ROBO1: variants seen among roughly 807,000 people sequenced by gnomAD.
The protein encoded by ROBO1 is roundabout guidance receptor 1, also known as roundabout homolog 1.
A neutral mutation model predicts 195.9 loss-of-function variants in ROBO1; 149 were observed. That is an observed-to-expected ratio of 0.76 (90% CI 0.67 to 0.87). The LOEUF (loss-of-function observed/expected upper bound fraction) is 0.87, where lower values mean the gene tolerates loss of function less well. Ranked by LOEUF, ROBO1 falls within the 40% of genes least tolerant of loss-of-function variation. ROBO1 has a pLI of 0.00. For synonymous variants in ROBO1, 816 were observed against 733.2 expected (o/e 1.11, Z -1.82); for missense variants, 1,933 against 2,068.3 (o/e 0.93, Z 1.27).
chr3:78,672,356 A>T (rs1708114562), intron 10 of ROBO1, among the ~76,000 whole-genome samples: 1 of 152,102 alleles, frequency 6.6e-6, no homozygotes, highest in Non-Finnish European at 1.5e-5. Context: ...AGTAAGGTGG[A>T]TTGCTTAAGC....
intron 2 of ROBO1, among the ~76,000 whole-genome samples, chr3:79,528,969 TAATTA>T (rs1448731221): frequency 1.3e-5 from 2 of 152,364 alleles, no homozygotes; most frequent in African/African-American, 4.8e-5. Flanking sequence ...CTATTCTGCA[TAATTA>T]AATGCATAAA....
intron 2 of ROBO1, among the ~76,000 whole-genome samples, chr3:79,471,950 G>C (rs967378468): frequency 6.6e-6 from 1 of 151,958 alleles, no homozygotes; most frequent in Non-Finnish European, 1.5e-5. Context: ...TGGGGGGCTA[G>C]GGGAGGGATA....
At chr3:79,481,420 G>A (rs188442710) in intron 2 of ROBO1, among the ~76,000 whole-genome samples, 1 of 152,274 alleles carries the variant, frequency 6.6e-6, no homozygotes, top group East Asian at 1.9e-4. Context: ...GACTTCATCT[G>A]TAGAGATGAT....
intron 4 of ROBO1, among the ~76,000 whole-genome samples, chr3:78,930,998 G>A (rs767627398): frequency 7.2e-5 from 11 of 151,816 alleles, no homozygotes; most frequent in Non-Finnish European, 1.6e-4. Flanking sequence ...TATTTATTTG[G>A]CTAGTTGCTT....
intron 2 of ROBO1, among the ~76,000 whole-genome samples, chr3:79,157,428 GGC>G (rs2080878365): frequency 6.6e-6 from 1 of 151,868 alleles, no homozygotes; most frequent in South Asian, 2.1e-4. Context: ...CTTGTTTGCA[GGC>G]CTCAGCTCAG....
chr3:79,758,684 T>C (rs1193115891), intron 1 of ROBO1, among the ~76,000 whole-genome samples: 2 of 152,128 alleles, frequency 1.3e-5, no homozygotes, highest in Non-Finnish European at 2.9e-5. Flanking sequence ...GGCAATGAGT[T>C]GGAAACAGAG....
intron 2 of ROBO1, among the ~76,000 whole-genome samples, chr3:79,462,237 TA>T (rs775392461): frequency 2.6e-4 from 39 of 152,126 alleles, no homozygotes; most frequent in Non-Finnish European, 4.1e-4. Flanking sequence ...CTGTGTTGGT[TA>T]AAGTATCACA....
intron 4 of ROBO1, among the ~76,000 whole-genome samples, chr3:78,899,732 A>G (rs2037470115): frequency 6.6e-6 from 1 of 152,160 alleles, no homozygotes; most frequent in South Asian, 2.1e-4. Flanking sequence ...ATTTTTAATC[A>G]CTATTTCTCT....
intron 4 of ROBO1, among the ~76,000 whole-genome samples, chr3:78,826,758 C>T (rs1024207183): frequency 6.6e-6 from 1 of 152,162 alleles, no homozygotes; most frequent in African/African-American, 2.4e-5. Flanking sequence ...TTATAGTTAT[C>T]ACTTCGATAT....
intron 3 of ROBO1, among the ~76,000 whole-genome samples, chr3:78,945,397 C>A (rs1314350462): frequency 6.6e-6 from 1 of 152,112 alleles, no homozygotes; most frequent in Non-Finnish European, 1.5e-5. Context: ...CTGCTGATAC[C>A]CAGGCAAACA....
intron 2 of ROBO1, among the ~76,000 whole-genome samples, chr3:79,134,230 C>T (rs1423842562): frequency 3.0e-5 from 4 of 133,808 alleles, no homozygotes; most frequent in South Asian, 2.7e-4. Context: ...GGGCGAAGGA[C>T]ATGAACAGAC....
intron 1 of ROBO1, among the ~76,000 whole-genome samples, chr3:79,596,799 T>C (rs1188381125): frequency 1.3e-5 from 2 of 152,078 alleles, no homozygotes; most frequent in East Asian, 1.9e-4. Context: ...AATTCCAGGC[T>C]TTTTCTTGTC....
chr3:78,609,403 A>C (rs1703656108), intron 28 of ROBO1, among the ~76,000 whole-genome samples: 1 of 152,142 alleles, frequency 6.6e-6, no homozygotes, highest in African/African-American at 2.4e-5. Context: ...GTTCACATCA[A>C]GGACTATATA....
intron 4 of ROBO1, among the ~76,000 whole-genome samples, chr3:78,910,949 G>A (rs1203206351): frequency 6.6e-6 from 1 of 151,936 alleles, no homozygotes; most frequent in Non-Finnish European, 1.5e-5. Flanking sequence ...AGAAGATCTG[G>A]GAGTGAGGCC....
intron 5 of ROBO1, among the ~76,000 whole-genome samples, chr3:78,726,671 C>A (rs926917893): frequency 2.0e-5 from 3 of 152,084 alleles, no homozygotes; most frequent in Admixed American, 2.0e-4. Flanking sequence ...GAATAGAGAG[C>A]AAGCTGTTGT....
At chr3:79,389,275 G>A (rs960890785) in intron 2 of ROBO1, among the ~76,000 whole-genome samples, 2 of 151,950 alleles carry the variant, frequency 1.3e-5, no homozygotes, top group Admixed American at 1.3e-4. Flanking sequence ...TGTAATATGA[G>A]CAAAGAATTC....
chr3:79,750,718 A>G (rs1560155966), intron 1 of ROBO1, among the ~76,000 whole-genome samples: 1 of 152,168 alleles, frequency 6.6e-6, no homozygotes. Flanking sequence ...CTTGCCTTCC[A>G]TCATGATTGT....
chr3:79,658,356 G>T (rs1201774573), intron 1 of ROBO1, among the ~76,000 whole-genome samples: 2 of 151,908 alleles, frequency 1.3e-5, no homozygotes. Flanking sequence ...AAATAATTAG[G>T]TTGTTATAAA....
At chr3:79,640,802 C>T (rs1165136289) in intron 1 of ROBO1, among the ~76,000 whole-genome samples, 1 of 152,158 alleles carries the variant, frequency 6.6e-6, no homozygotes, top group Non-Finnish European at 1.5e-5. Flanking sequence ...TGAAGACTCA[C>T]ATTACCTATA....
Sources: allele counts gnomAD v4.1 joint callset (sites outside exome capture counted in the v4.1 genomes callset), GRCh38; gene constraint gnomAD v4.1.1; transcripts MANE v1.5; gene names NCBI Gene and HGNC (gene_info 2026-07-23, HGNC 2026-07-21).